USP6NL: variants seen among roughly 807,000 people sequenced by gnomAD.
USP6NL encodes the protein USP6 N-terminal like.
In USP6NL, 26 loss-of-function variants were observed where a neutral mutation model predicts 61.9. The ratio of observed to expected loss-of-function variants is 0.42; its 90% CI spans 0.31 to 0.58. The LOEUF (loss-of-function observed/expected upper bound fraction) is 0.58. USP6NL is among the 20% of genes least tolerant of loss of function. USP6NL has a pLI of 0.16. For synonymous variants in USP6NL, 432 were observed against 390.1 expected (o/e 1.11, Z -1.27); for missense variants, 1,114 against 1,034.3 (o/e 1.08, Z -1.06).
rs1041236517 is a variant in USP6NL, at chr10:11,553,583, G to T, written c.5-26016C>A. Among the ~76,000 whole-genome samples, 5 of 152,036 alleles carry T rather than the reference G, an allele frequency of 3.3e-5. No homozygotes were observed. Among genetic ancestry groups the T allele is most frequent in the Non-Finnish European group, 7.4e-5 (5 of 68,008 alleles). ...CACTCCATTCATCAATATTAGATTTGTCTCAGTATAACAAAAAATAGCAAG... is the reference window on the plus strand; with the variant it reads ...CACTCCATTCATCAATATTAGATTTTTCTCAGTATAACAAAAAATAGCAAG... On this transcript the variant is annotated intron_variant, in intron 2 of 14. Transcript: ENST00000609104. The surrounding 1 kb of genome is among the most constrained non-coding windows in gnomAD (Gnocchi z 4.8).
chr10:11,550,409 T>A (rs1836438171), intron 2 of USP6NL, among the ~76,000 whole-genome samples: 1 of 152,066 alleles, frequency 6.6e-6, no homozygotes, highest in South Asian at 2.1e-4. Context: ...TACAACCCAG[T>A]AAGAAGAAAA....
At chr10:11,516,905 C>A (rs1315389847) in intron 5 of USP6NL, among the ~76,000 whole-genome samples, 5 of 152,128 alleles carry the variant, frequency 3.3e-5, no homozygotes, top group African/African-American at 7.2e-5. Flanking sequence ...AAGCATGCAT[C>A]CTCCTGTGTC....
intron 2 of USP6NL, among the ~76,000 whole-genome samples, chr10:11,577,040 T>A (rs1309894248): frequency 1.3e-5 from 2 of 151,858 alleles, no homozygotes; most frequent in Non-Finnish European, 2.9e-5. Flanking sequence ...TTTAAAAATA[T>A]ATAATTTTCC....
At chr10:11,604,602 T>G (rs911141331) in intron 1 of USP6NL, among the ~76,000 whole-genome samples, 1 of 152,198 alleles carries the variant, frequency 6.6e-6, no homozygotes, top group African/African-American at 2.4e-5. Flanking sequence ...GTCTGGTGAA[T>G]GAGCTCAGAA....
chr10:11,484,991 G>T lies in USP6NL; in HGVS notation c.905C>A (p.Thr302Asn). ...CTTACTTTTGTGTAATTTTAAGATG[G>T]TGTAAGACATAGCAGTAAGAACTCG... ...GERVLTAMSY[T>N]ILKLHKKHLM... Residue 302 changes from threonine (T) to asparagine (N), a missense_variant, in exon 13 of 15, where the codon ACC (threonine) becomes AAC (asparagine). By Grantham distance (65) the Thr-to-Asn change is moderately conservative. Transcript: ENST00000609104. 1.3e-6 allele frequency: 2 copies of T among 1,546,066 alleles called. No homozygotes were observed. Among genetic ancestry groups the T allele is most frequent in the Non-Finnish European group, 8.7e-7 (1 of 1,145,412 alleles).
intron 14 of USP6NL, among the ~76,000 whole-genome samples, chr10:11,466,811 G>A (rs143564855): frequency 5.3e-5 from 8 of 152,292 alleles, no homozygotes; most frequent in African/African-American, 1.9e-4. Flanking sequence ...GCATGTTACT[G>A]TACTCAATAC....
In USP6NL at chr10:11,574,739, A is replaced by G. The variant is rs78143349; in HGVS notation, c.4+22892T>C. Among the ~76,000 whole-genome samples, 80 of 152,346 alleles carry G rather than the reference A, an allele frequency of 5.3e-4. No individual in the cohort carries two copies. Among genetic ancestry groups the G allele is most frequent in the African/African-American group, 1.9e-3 (79 of 41,584 alleles). ...CATTTTTAACATATCATAAAATATT[A>G]GATCCCAGAGCAAATCAGAGGCAGT... On this transcript the variant is annotated intron_variant, in intron 2 of 14. Transcript: ENST00000609104. This position sits in a 1 kb window ranked among gnomAD's most constrained non-coding sequence, Gnocchi z 4.3.
At chr10:11,555,866 T>C (rs1366681788) in intron 2 of USP6NL, among the ~76,000 whole-genome samples, 11 of 152,206 alleles carry the variant, frequency 7.2e-5, no homozygotes, top group Admixed American at 7.2e-4. Flanking sequence ...ACTCTTAAAA[T>C]GCTAAAATAA....
chr10:11,463,010 C>T lies in USP6NL; in HGVS notation c.1918G>A (p.Gly640Arg), dbSNP rs780629758. The T allele has an allele frequency of 6.8e-6, 11 of 1,613,772 alleles. No individual in the cohort carries two copies. In the Middle Eastern group the frequency reaches 4.9e-4, roughly 73 times the overall value. The change falls in exon 15 of 15, where the codon GGA (glycine) becomes AGA (arginine). Residue 640 changes from glycine (G) to arginine (R), a missense_variant. Coordinates refer to ENST00000609104, the MANE Select transcript of USP6NL (RefSeq NM_014688.5). This position sits in a 1 kb window ranked among gnomAD's most constrained non-coding sequence, Gnocchi z 6.3. ...GTAGGGAAGTGTTTGGGAGAGTTTC[C>T]GTGGTAAACGGGGGGATTGCTGTAG... is the stretch of plus-strand genomic sequence containing the variant. ...PSYSNPPVYHGNSPKHFPTAN... is the reference protein window; with the variant it reads ...PSYSNPPVYHRNSPKHFPTAN...
chr10:11,507,563 T>C (rs1351457317), intron 6 of USP6NL, among the ~76,000 whole-genome samples: 3 of 152,230 alleles, frequency 2.0e-5, no homozygotes, highest in African/African-American at 7.2e-5. Context: ...CTCTGTAAGA[T>C]ACCCATGTCA....
rs1447378423 is a variant in USP6NL at position 11,597,658 on chromosome 10, G to C, written c.-24C>G. On this transcript the variant is annotated 5_prime_UTR_variant, in exon 2 of 15. Coordinates refer to ENST00000609104, the MANE Select transcript of USP6NL (RefSeq NM_014688.5). The surrounding 1 kb of genome is among the most constrained non-coding windows in gnomAD (Gnocchi z 4.6). ...ATGACTGGAAATGGGTCTGAATGTT[G>C]TCCCAATCAGATATTAAACCAAAAT... is the stretch of plus-strand genomic sequence containing the variant. 2 of 1,550,610 alleles carry C rather than the reference G, an allele frequency of 1.3e-6. No homozygotes were observed. The highest frequency in any genetic ancestry group is 2.4e-5 in the East Asian group (1 of 40,924).
At chr10:11,549,245 C>T (rs1002660403) in intron 2 of USP6NL, among the ~76,000 whole-genome samples, 14 of 152,030 alleles carry the variant, frequency 9.2e-5, no homozygotes, top group Middle Eastern at 3.2e-3. Flanking sequence ...GATAATTTTA[C>T]GATAAAAAGA....
intron 6 of USP6NL, among the ~76,000 whole-genome samples, chr10:11,508,437 T>C (rs1225540621): frequency 6.6e-6 from 1 of 152,230 alleles, no homozygotes; most frequent in African/African-American, 2.4e-5. Flanking sequence ...TTTACAGTGC[T>C]GACTTTTGCA....
intron 5 of USP6NL, among the ~76,000 whole-genome samples, chr10:11,515,341 G>C (rs777353111): frequency 6.6e-6 from 1 of 152,166 alleles, no homozygotes. Flanking sequence ...AAGAAATCTT[G>C]GGATTTGCTC....
intron 5 of USP6NL, among the ~76,000 whole-genome samples, chr10:11,515,940 G>C (rs1834938451): frequency 6.6e-6 from 1 of 152,128 alleles, no homozygotes; most frequent in South Asian, 2.1e-4. Context: ...GATATAAATA[G>C]GTTCCAATAT....
intron 14 of USP6NL, among the ~76,000 whole-genome samples, chr10:11,469,491 C>A (rs1364565114): frequency 6.6e-6 from 1 of 152,178 alleles, no homozygotes; most frequent in Non-Finnish European, 1.5e-5. Context: ...TGCCTCTAAT[C>A]CATTCCTAAA....
At chr10:11,527,665 C>A (rs1187266079) in intron 2 of USP6NL, 98 bp from the exon 3 acceptor site, 4 of 1,082,276 alleles carry the variant, frequency 3.7e-6, no homozygotes, top group Non-Finnish European at 5.3e-6. Flanking sequence ...AAAATAAATA[C>A]TGCCTAAAAT....
chr10:11,507,596 G>A (rs1004870204), intron 6 of USP6NL, among the ~76,000 whole-genome samples: 7 of 151,974 alleles, frequency 4.6e-5, no homozygotes, highest in Admixed American at 2.0e-4. Flanking sequence ...TGGTTAAGTC[G>A]GTTTCATGTG....
At chr10:11,581,216 T>A (rs543147912) in intron 2 of USP6NL, among the ~76,000 whole-genome samples, 60 of 152,324 alleles carry the variant, frequency 3.9e-4, no homozygotes, top group African/African-American at 1.4e-3. Flanking sequence ...AGGTCCCACA[T>A]ACAGAGATAA....
Sources: gnomAD v4.1 joint callset for allele counts (sites outside exome capture counted in the v4.1 genomes callset) on GRCh38, gnomAD v4.1.1 for gene constraint, Gnocchi (gnomAD v3.1) non-coding constraint, MANE v1.5 for transcripts, NCBI Gene and HGNC (gene_info 2026-07-23, HGNC 2026-07-21) for gene names.